The following DNAJB11 variants were observed in gnomAD, a reference collection of about 807,000 sequenced individuals.
The protein encoded by DNAJB11 is dnaJ homolog subfamily B member 11.
A neutral mutation model predicts 47.2 loss-of-function variants in DNAJB11; 30 were observed. That is an observed-to-expected ratio of 0.64 (90% CI 0.48 to 0.86). The LOEUF is 0.86. Ranked by LOEUF, DNAJB11 falls within the 40% of genes least tolerant of loss-of-function variation. DNAJB11 has a pLI of 0.00. For synonymous variants in DNAJB11, 151 were observed against 159.9 expected, an observed-to-expected ratio of 0.94 and a Z score of 0.42; for missense variants, 357 against 440.2, an observed-to-expected ratio of 0.81 and a Z score of 1.69.
intron 5 of DNAJB11, 90 bp from the exon 6 acceptor site, chr3:186,581,905 C>A: frequency 1.9e-6 from 2 of 1,078,672 alleles, no homozygotes; most frequent in Non-Finnish European, 2.7e-6. Context: ...CAAGAAAAAG[C>A]TCTGATAAAA....
At chr3:186,572,925 T>A (rs910202655) in intron 2 of DNAJB11, among the ~76,000 whole-genome samples, 1 of 152,208 alleles carries the variant, frequency 6.6e-6, no homozygotes, top group African/African-American at 2.4e-5. Context: ...TTATATGAGT[T>A]CTGCTTGTAA....
chr3:186,573,841 C>G (rs1715173766), intron 2 of DNAJB11, among the ~76,000 whole-genome samples: 1 of 152,138 alleles, frequency 6.6e-6, no homozygotes, highest in South Asian at 2.1e-4. Flanking sequence ...TGCTAGGAAC[C>G]TAATACTCAA....
rs147094233 is a variant in DNAJB11, at chr3:186,574,554, G to T, written c.226-1286G>T. 4.6e-5 allele frequency among the ~76,000 whole-genome samples: 7 copies of T among 151,348 alleles called. No individual in the cohort carries two copies. In the East Asian group the frequency reaches 1.2e-3, roughly 25 times the overall value. On this transcript the variant is annotated intron_variant, in intron 2 of 9. Transcript: ENST00000265028. ...TTTCTAAAGATACTTGTGAAAACAT[G>T]CTTTCCTCTCCCTTTTTCTTTCATA...
At chr3:186,572,730 C>T (rs1715127736) in intron 2 of DNAJB11, among the ~76,000 whole-genome samples, 1 of 152,164 alleles carries the variant, frequency 6.6e-6, no homozygotes, top group African/African-American at 2.4e-5. Context: ...AACATGGCAG[C>T]AGATATTCTG....
At chr3:186,576,017 A>G in intron 3 of DNAJB11, 80 bp downstream of exon 3, 1 of 1,072,966 alleles carries the variant, frequency 9.3e-7, no homozygotes, top group Non-Finnish European at 1.4e-6. Context: ...CTCATTCCCT[A>G]GTTCAGAAAC....
At chr3:186,577,135 A>G (rs764945502) in intron 3 of DNAJB11, among the ~76,000 whole-genome samples, 4 of 152,188 alleles carry the variant, frequency 2.6e-5, no homozygotes, top group Non-Finnish European at 4.4e-5. Context: ...TTTTTAGCTT[A>G]TTTAATTACA....
chr3:186,578,133 G>A (rs1715363905), intron 4 of DNAJB11: 1 of 157,148 alleles, frequency 6.4e-6, no homozygotes, highest in Non-Finnish European at 1.4e-5. Flanking sequence ...ATGTATATAT[G>A]AATACCTGAA....
intron 2 of DNAJB11, among the ~76,000 whole-genome samples, chr3:186,575,354 TGCGCGC>T (rs368559871): frequency 0.14 from 18,181 of 128,414 alleles, 1,323 homozygotes; most frequent in African/African-American, 0.24. Flanking sequence ...TCCTAATACA[TGCGCGC>T]GCGCGCGCGT....
Position 186,585,403 on chromosome 3 carries a change from T to A in DNAJB11, c.1072T>A (p.Tyr358Asn), listed in dbSNP as rs1715651181. ...VQKVYNGLQG[Y>N] ...GAAGGTATACAATGGACTGCAAGGATATTGAGAGTGAATAAAATTGGACTT... is the reference window on the plus strand; with the variant it reads ...GAAGGTATACAATGGACTGCAAGGAAATTGAGAGTGAATAAAATTGGACTT... The change falls in exon 10 of 10, where the codon TAT becomes AAT. Residue 358 changes from tyrosine to asparagine, a missense_variant. Tyr to Asn is a moderately radical substitution (Grantham distance 143). Transcript: ENST00000265028. The A allele has an allele frequency of 6.2e-7, 1 of 1,606,094 alleles. No homozygotes were observed. Among genetic ancestry groups the A allele is most frequent in the Admixed American group, 1.7e-5 (1 of 58,824 alleles).
At chr3:186,578,383 A>T (rs1715371389) in intron 4 of DNAJB11, 1 of 152,180 alleles carries the variant, frequency 6.6e-6, no homozygotes, top group Admixed American at 6.5e-5. Flanking sequence ...GAACAAGAAT[A>T]TCTCTTGGGT....
chr3:186,578,622 T>G (rs1715379577), intron 4 of DNAJB11: 1 of 152,216 alleles, frequency 6.6e-6, no homozygotes, highest in Admixed American at 6.5e-5. Flanking sequence ...TTTTTTAAAT[T>G]ACCAATTAGG....
chr3:186,575,391 G>C (rs945733388), intron 2 of DNAJB11, among the ~76,000 whole-genome samples: 23 of 147,982 alleles, frequency 1.6e-4, no homozygotes, highest in African/African-American at 5.2e-4. Context: ...GTGTGTGTGT[G>C]TCTGTGTGTG....
Position 186,570,915 on chromosome 3 carries a change from G to A in DNAJB11, c.18G>A (p.Leu6=). Residue 6 remains leucine, a synonymous_variant, in exon 1 of 10, where the codon CTG becomes CTA. Transcript: ENST00000265028. The stretch of plus-strand genomic sequence containing the variant: ...GAGGAACCATGGCTCCGCAGAACCT[G>A]AGCACCTTTTGCCTGTTGCTGCTAT... The part of the protein sequence containing the change: MAPQN[L]STFCLLLLYL... 1 of 1,605,122 alleles carries A rather than the reference G, an allele frequency of 6.2e-7. No homozygotes were observed. Among genetic ancestry groups the A allele is most frequent in the Non-Finnish European group, 8.5e-7 (1 of 1,175,858 alleles).
rs1365861229 is a variant in DNAJB11, at chr3:186,570,726, G to A, written c.-172G>A. The A allele has an allele frequency of 1.5e-6, 1 of 648,608 alleles. No individual in the cohort carries two copies. The highest frequency in any genetic ancestry group is 3.0e-5 in the East Asian group (1 of 33,826). 40.2% of individuals were successfully genotyped at this position (648,608 alleles called of 1,614,324 possible). A position where few individuals can be genotyped will look rare whatever the true frequency, so the allele number is the denominator to read the frequency against. Reference sequence around the variant, plus strand: ...TCTCTCACCGGGACTCGGGACTCCCGGGAAGTGGACCGGCAGAAGAGGGGG... The same window carrying A: ...TCTCTCACCGGGACTCGGGACTCCCAGGAAGTGGACCGGCAGAAGAGGGGG... On this transcript the variant is annotated 5_prime_UTR_variant, in exon 1 of 10. Transcript: ENST00000265028.
In DNAJB11 at chr3:186,575,520, G is replaced by A. The variant is rs187922272; in HGVS notation, c.226-320G>A. 7.5e-4 allele frequency among the ~76,000 whole-genome samples: 114 copies of A among 152,194 alleles called. 1 individual carries two copies. Among genetic ancestry groups the A allele is most frequent in the African/African-American group, 2.1e-3 (88 of 41,508 alleles). On this transcript the variant is annotated intron_variant, in intron 2 of 9. Transcript: ENST00000265028. ...CATGGGAAGTAAACCTGAGGAATCC[G>A]TCTTAACTCTTTCCTGTCACCACCC... is the stretch of plus-strand genomic sequence containing the variant.
chr3:186,575,368 C>CGCGT (rs1406330956), intron 2 of DNAJB11, among the ~76,000 whole-genome samples: 12 of 143,354 alleles, frequency 8.4e-5, no homozygotes, highest in African/African-American at 3.2e-4. Flanking sequence ...CGCGCGCGCG[C>CGCGT]GTGTGTGTGT....
At chr3:186,572,338 C>CATTG in intron 2 of DNAJB11, 87 bp downstream of exon 2, 2 of 991,864 alleles carry the variant, frequency 2.0e-6, no homozygotes, top group East Asian at 5.8e-5. Flanking sequence ...TTTCAGCTCA[C>CATTG]ATTTATTTAT....
rs780286647 is a variant in DNAJB11 at position 186,575,853 on chromosome 3, G to C, written c.239G>C (p.Ser80Thr). ...LGAAYEVLSDSEKRKQYDTYG... is the reference protein window; with the variant it reads ...LGAAYEVLSDTEKRKQYDTYG... The stretch of plus-strand genomic sequence containing the variant: ...TTTTATCCCCAGGTTCTGTCAGATA[G>C]TGAGAAACGGAAACAGTACGATACT... The change falls in exon 3 of 10, where the codon AGT (serine) becomes ACT (threonine). Residue 80 changes from serine (S) to threonine (T), a missense_variant. Physicochemically the swap from Ser to Thr is moderately conservative, Grantham distance 58 (BLOSUM62 1). Transcript: ENST00000265028. The C allele has an allele frequency of 1.9e-6, 3 of 1,613,700 alleles. No homozygotes were observed. Among genetic ancestry groups the C allele is most frequent in the Non-Finnish European group, 2.5e-6 (3 of 1,179,746 alleles).
At chr3:186,582,920 T>G (rs1034067514) in intron 7 of DNAJB11, 147 bp downstream of exon 7, 1 of 650,584 alleles carries the variant, frequency 1.5e-6, no homozygotes, top group Non-Finnish European at 2.7e-6. Flanking sequence ...GCTGAAAACT[T>G]GGGGTTGGGC....
Sources: gnomAD v4.1 joint callset for allele counts (sites outside exome capture counted in the v4.1 genomes callset) on GRCh38, gnomAD v4.1.1 for gene constraint, MANE v1.5 for transcripts, NCBI Gene and HGNC (gene_info 2026-07-23, HGNC 2026-07-21) for gene names.